VIT: variants seen among roughly 807,000 people sequenced by gnomAD.
The protein encoded by VIT is vitrin.
In VIT, 99 loss-of-function variants were observed where a neutral mutation model predicts 78.0. The observed-to-expected ratio is 1.27, with a 90% CI of 1.08 to 1.50. The LOEUF (loss-of-function observed/expected upper bound fraction) is 1.50. Among genes scored for constraint, VIT ranks in the 40% most tolerant of loss-of-function variants. The pLI is 0.00. For missense variants in VIT, 1,126 were observed against 875.3 expected (o/e 1.29, Z -3.61); for synonymous variants, 374 against 334.3 (o/e 1.12, Z -1.29).
At chr2:36,719,882 T>C (rs1272486112) in intron 2 of VIT, among the ~76,000 whole-genome samples, 1 of 152,070 alleles carries the variant, frequency 6.6e-6, no homozygotes. Context: ...ATTGAGGCTA[T>C]AGTGAGCCAT....
At chr2:36,714,828 G>A (rs538097376) in intron 1 of VIT, among the ~76,000 whole-genome samples, 11 of 152,168 alleles carry the variant, frequency 7.2e-5, no homozygotes, top group African/African-American at 2.7e-4. Flanking sequence ...ACCTACCATG[G>A]TGACGTATTG....
intron 15 of VIT, among the ~76,000 whole-genome samples, chr2:36,812,929 C>T (rs1373518330): frequency 4.1e-5 from 6 of 145,146 alleles, no homozygotes; most frequent in Non-Finnish European, 7.5e-5. Flanking sequence ...GGTGCCATCT[C>T]GGCTCACTGC....
At chr2:36,699,626 G>A (rs13003987) in intron 1 of VIT, among the ~76,000 whole-genome samples, 20,142 of 140,460 alleles carry the variant, frequency 0.14, 1,586 homozygotes, top group East Asian at 0.24. Context: ...AGATATATAG[G>A]TAGATAGATA....
At chr2:36,706,595 C>T (rs967027827) in intron 1 of VIT, among the ~76,000 whole-genome samples, 3 of 152,180 alleles carry the variant, frequency 2.0e-5, no homozygotes, top group Non-Finnish European at 4.4e-5. Flanking sequence ...TGCAACTTGG[C>T]GCTCACAGCT....
At chr2:36,786,521 C>T (rs1213948899) in intron 11 of VIT, among the ~76,000 whole-genome samples, 1 of 152,072 alleles carries the variant, frequency 6.6e-6, no homozygotes, top group Non-Finnish European at 1.5e-5. Flanking sequence ...GTCCTCATCA[C>T]AACTAAAAGA....
intron 12 of VIT, among the ~76,000 whole-genome samples, chr2:36,795,355 ATTT>A (rs1222073796): frequency 1.2e-5 from 1 of 83,474 alleles, no homozygotes. Context: ...ATTTTATTTT[ATTT>A]TATTTTATTT....
At chr2:36,734,055 A>G (rs938937113) in intron 3 of VIT, among the ~76,000 whole-genome samples, 7 of 152,214 alleles carry the variant, frequency 4.6e-5, no homozygotes, top group African/African-American at 1.7e-4. Flanking sequence ...CGGCAGCATC[A>G]GCATCATCCG....
intron 3 of VIT, among the ~76,000 whole-genome samples, chr2:36,731,096 T>A (rs10191225): frequency 2.0e-5 from 3 of 151,826 alleles, no homozygotes; most frequent in African/African-American, 7.3e-5. Context: ...TTAAACTGTC[T>A]TCTGCTTGGA....
chr2:36,777,059 A>T (rs1670114424), intron 9 of VIT, among the ~76,000 whole-genome samples: 1 of 140,560 alleles, frequency 7.1e-6, no homozygotes, highest in Admixed American at 7.4e-5. Flanking sequence ...ACTGCACTCC[A>T]GCCTGGGCGA....
At chr2:36,756,749 A>T (rs1367939660) in intron 5 of VIT, among the ~76,000 whole-genome samples, 1 of 152,188 alleles carries the variant, frequency 6.6e-6, no homozygotes, top group Non-Finnish European at 1.5e-5. Flanking sequence ...TAAAAATGCT[A>T]ATGTCTCGAA....
intron 11 of VIT, among the ~76,000 whole-genome samples, chr2:36,783,783 A>G (rs1338606557): frequency 6.6e-6 from 1 of 152,198 alleles, no homozygotes; most frequent in African/African-American, 2.4e-5. Flanking sequence ...CAAGAGATAC[A>G]GAGAAGGGAG....
At chr2:36,782,909 G>A (rs1474240743) in intron 10 of VIT, among the ~76,000 whole-genome samples, 1 of 152,084 alleles carries the variant, frequency 6.6e-6, no homozygotes, top group Non-Finnish European at 1.5e-5. Flanking sequence ...ACTCATCTTC[G>A]TTCATTGTGT....
chr2:36,699,000 TA>T (rs67982972), intron 1 of VIT, among the ~76,000 whole-genome samples: 13,586 of 148,984 alleles, frequency 0.091, 700 homozygotes, highest in African/African-American at 0.14. Context: ...CCCCACATAT[TA>T]AAAAAAAAAA....
intron 2 of VIT, among the ~76,000 whole-genome samples, chr2:36,721,689 C>T (rs746705648): frequency 1.3e-5 from 2 of 152,160 alleles, no homozygotes; most frequent in South Asian, 4.1e-4. Flanking sequence ...GTAGCCCCCA[C>T]TCCGGCACTG....
At chr2:36,739,582 C>T (rs980336196) in intron 3 of VIT, among the ~76,000 whole-genome samples, 64 of 152,140 alleles carry the variant, frequency 4.2e-4, no homozygotes, top group African/African-American at 1.5e-3. Flanking sequence ...TCCTACAGTT[C>T]GATCTGGTTT....
chr2:36,713,576 A>G (rs1035345283), intron 1 of VIT, among the ~76,000 whole-genome samples: 4 of 152,220 alleles, frequency 2.6e-5, no homozygotes, highest in African/African-American at 9.6e-5. Context: ...GGACAAAGGA[A>G]GAAGGGAACA....
At chr2:36,811,242 A>G (rs1667144846) in intron 15 of VIT, among the ~76,000 whole-genome samples, 1 of 152,216 alleles carries the variant, frequency 6.6e-6, no homozygotes, top group South Asian at 2.1e-4. Context: ...CCTAGATTGA[A>G]TGGGCAGAGC....
At chr2:36,782,614 A>G (rs1336484159) in intron 10 of VIT, among the ~76,000 whole-genome samples, 1 of 152,188 alleles carries the variant, frequency 6.6e-6, no homozygotes, top group African/African-American at 2.4e-5. Flanking sequence ...CGTGTTACCA[A>G]GCCTAAAAGG....
At chr2:36,796,322 A>G (rs1003483327) in intron 12 of VIT, among the ~76,000 whole-genome samples, 1 of 152,240 alleles carries the variant, frequency 6.6e-6, no homozygotes, top group Admixed American at 6.5e-5. Context: ...ACAAGGTTAT[A>G]TATTGTTCTG....
Sources: allele counts gnomAD v4.1 joint callset (sites outside exome capture counted in the v4.1 genomes callset), GRCh38; gene constraint gnomAD v4.1.1; transcripts MANE v1.5; gene names NCBI Gene and HGNC (gene_info 2026-07-23, HGNC 2026-07-21).